The following BNC2 variants were observed in gnomAD, a reference collection of about 807,000 sequenced individuals.
BNC2 encodes basonuclin zinc finger protein 2.
Under a neutral mutation model 76.3 loss-of-function variants are expected in BNC2, and 20 were observed. That is an observed-to-expected ratio of 0.26 (90% CI 0.18 to 0.38). The LOEUF is 0.38. BNC2 is among the 10% of genes least tolerant of loss of function. BNC2 has a pLI of 1.00. For missense variants in BNC2, 1,382 were observed against 1,399.8 expected (o/e 0.99, Z 0.20); for synonymous variants, 582 against 514.8 (o/e 1.13, Z -1.77).
At chr9:16,691,447 C>CA (rs1223376931) in intron 3 of BNC2, among the ~76,000 whole-genome samples, 1 of 150,318 alleles carries the variant, frequency 6.7e-6, no homozygotes, top group Non-Finnish European at 1.5e-5. Context: ...TGGGTTTTAG[C>CA]ATTGGAGAAA....
rs542946681 is a variant in BNC2 at position 16,673,232 on chromosome 9, T to C, written c.330+54565A>G. Among the ~76,000 whole-genome samples, 4 of 152,304 alleles carry C rather than the reference T, an allele frequency of 2.6e-5. No homozygotes were observed. The East Asian group carries it at 5.8e-4, about 22-fold the overall frequency. ...CTTTGTTTATTCAAGAAATTCCTAATGGTTTCATTTATAAGTAAAACTTTC... is the reference window on the plus strand; with the variant it reads ...CTTTGTTTATTCAAGAAATTCCTAACGGTTTCATTTATAAGTAAAACTTTC... On this transcript the variant is annotated intron_variant, in intron 3 of 6. Transcript: ENST00000380672.
intron 3 of BNC2, among the ~76,000 whole-genome samples, chr9:16,692,251 C>T (rs1026438110): frequency 3.9e-5 from 6 of 152,176 alleles, no homozygotes; most frequent in African/African-American, 1.4e-4. Flanking sequence ...TGACAACTGA[C>T]ATTAAATGCA....
chr9:16,469,857 A>C (rs917585925), intron 5 of BNC2, among the ~76,000 whole-genome samples: 1 of 152,200 alleles, frequency 6.6e-6, no homozygotes, highest in Non-Finnish European at 1.5e-5. Flanking sequence ...GTTTTAGCAA[A>C]GAGACTGGCA....
chr9:16,632,728 C>A (rs1159041380), intron 3 of BNC2, among the ~76,000 whole-genome samples: 2 of 152,172 alleles, frequency 1.3e-5, no homozygotes, highest in Admixed American at 6.5e-5. Flanking sequence ...AGACACCCAT[C>A]CCAAGGTCTA....
At chr9:16,667,515 A>G (rs1822335718) in intron 3 of BNC2, among the ~76,000 whole-genome samples, 1 of 152,214 alleles carries the variant, frequency 6.6e-6, no homozygotes, top group Admixed American at 6.5e-5. Flanking sequence ...TAACAGTCCA[A>G]GAAAGTCGAT....
At chr9:16,573,675 G>A (rs2132895470) in intron 4 of BNC2, among the ~76,000 whole-genome samples, 1 of 152,226 alleles carries the variant, frequency 6.6e-6, no homozygotes, top group South Asian at 2.1e-4. Flanking sequence ...ATCTCCCTGG[G>A]TACCAGGGAG....
intron 5 of BNC2, among the ~76,000 whole-genome samples, chr9:16,512,220 G>A (rs949599691): frequency 6.6e-6 from 1 of 152,136 alleles, no homozygotes; most frequent in African/African-American, 2.4e-5. Flanking sequence ...TCAAATTACT[G>A]ATGAAATTAT....
intron 6 of BNC2, among the ~76,000 whole-genome samples, chr9:16,426,325 C>G (rs991570089): frequency 8.0e-5 from 11 of 136,988 alleles, no homozygotes; most frequent in African/African-American, 3.0e-4. Context: ...CCATGCCCAG[C>G]TTTTTTTTTT....
At chr9:16,748,252 G>A (rs1184336481) in intron 1 of BNC2, among the ~76,000 whole-genome samples, 1 of 152,154 alleles carries the variant, frequency 6.6e-6, no homozygotes, top group Non-Finnish European at 1.5e-5. Context: ...GATGGCTCAC[G>A]CTTGTAATCC....
At chr9:16,788,381 G>A (rs146529643) in intron 1 of BNC2, among the ~76,000 whole-genome samples, 2,898 of 151,722 alleles carry the variant, frequency 0.019, 46 homozygotes, top group Middle Eastern at 0.054. Flanking sequence ...GTGAAACCCC[G>A]TCTCTACCAA....
At chr9:16,505,979 A>G (rs553828771) in intron 5 of BNC2, among the ~76,000 whole-genome samples, 27 of 152,310 alleles carry the variant, frequency 1.8e-4, no homozygotes, top group Non-Finnish European at 3.5e-4. Context: ...AATAAAAAGC[A>G]TAATTGTAGC....
At chr9:16,763,487 T>C (rs1825609522) in intron 1 of BNC2, among the ~76,000 whole-genome samples, 1 of 152,000 alleles carries the variant, frequency 6.6e-6, no homozygotes. Flanking sequence ...GAAGGATCAC[T>C]TGAGCCCAGG....
At chr9:16,725,387 G>A (rs1211247680) in intron 3 of BNC2, among the ~76,000 whole-genome samples, 1 of 151,816 alleles carries the variant, frequency 6.6e-6, no homozygotes, top group African/African-American at 2.4e-5. Context: ...TCATCTTGAA[G>A]AGAAAAAAAA....
At chr9:16,491,119 G>A (rs1008701689) in intron 5 of BNC2, among the ~76,000 whole-genome samples, 1 of 152,136 alleles carries the variant, frequency 6.6e-6, no homozygotes, top group Admixed American at 6.6e-5. Context: ...CTGAAATGAG[G>A]ATGGATCTAT....
intron 3 of BNC2, among the ~76,000 whole-genome samples, chr9:16,664,136 A>G (rs76503215): frequency 0.019 from 2,892 of 152,282 alleles, 93 homozygotes; most frequent in African/African-American, 0.064. Context: ...ACCACGACAA[A>G]AAAATGACAC....
intron 5 of BNC2, among the ~76,000 whole-genome samples, chr9:16,544,866 A>T (rs1346262476): frequency 6.6e-6 from 1 of 152,052 alleles, no homozygotes; most frequent in Non-Finnish European, 1.5e-5. Context: ...ATGAAAATAC[A>T]CATCTTCACA....
At chr9:16,654,780 T>C (rs1160015177) in intron 3 of BNC2, among the ~76,000 whole-genome samples, 1 of 152,134 alleles carries the variant, frequency 6.6e-6, no homozygotes, top group African/African-American at 2.4e-5. Flanking sequence ...GACAGTGTAT[T>C]CTGTTCTAAA....
intron 3 of BNC2, among the ~76,000 whole-genome samples, chr9:16,634,537 T>A (rs1409162531): frequency 6.7e-6 from 1 of 150,364 alleles, no homozygotes; most frequent in Non-Finnish European, 1.5e-5. Context: ...AGTCTCATTC[T>A]GTCACCCAGG....
At chr9:16,614,910 C>T (rs553488826) in intron 3 of BNC2, among the ~76,000 whole-genome samples, 6 of 135,318 alleles carry the variant, frequency 4.4e-5, no homozygotes, top group African/African-American at 1.4e-4. Context: ...TAGCTGTCAT[C>T]GGGCCACTGT....
Sources: allele counts gnomAD v4.1 joint callset (sites outside exome capture counted in the v4.1 genomes callset), GRCh38; gene constraint gnomAD v4.1.1; transcripts MANE v1.5; gene names NCBI Gene and HGNC (gene_info 2026-07-23, HGNC 2026-07-21).